The following OSBPL5 variants were observed in gnomAD, a reference collection of about 807,000 sequenced individuals.
OSBPL5 encodes the protein oxysterol-binding protein-related protein 5.
Under a neutral mutation model 111.2 loss-of-function variants are expected in OSBPL5, and 71 were observed. The observed-to-expected ratio is 0.64, with a 90% CI of 0.53 to 0.78. The LOEUF (loss-of-function observed/expected upper bound fraction) is 0.78, where lower values mean the gene tolerates loss of function less well. OSBPL5 is among the 30% of genes least tolerant of loss of function. The probability of loss-of-function intolerance (pLI) is 0.00; values close to 1 mark genes in which losing one functional copy is unlikely to be tolerated. For synonymous variants in OSBPL5, 549 were observed against 513.9 expected (o/e 1.07, Z -0.93); for missense variants, 1,210 against 1,189.3 (o/e 1.02, Z -0.26).
intron 3 of OSBPL5, among the ~76,000 whole-genome samples, chr11:3,123,959 G>C (rs1858510407): frequency 6.6e-6 from 1 of 152,252 alleles, no homozygotes. Context: ...CTTAGGCACT[G>C]AGGTTAGAAA....
intron 1 of OSBPL5, among the ~76,000 whole-genome samples, chr11:3,136,794 G>A (rs1845960007): frequency 6.6e-6 from 1 of 152,234 alleles, no homozygotes; most frequent in Admixed American, 6.5e-5. Context: ...GCTGCATGGG[G>A]GCAGAGAGGA....
intron 1 of OSBPL5, among the ~76,000 whole-genome samples, chr11:3,131,964 TCCATCCATCCACCCAC>T (rs1845824031): frequency 2.8e-4 from 3 of 10,886 alleles, no homozygotes; most frequent in Non-Finnish European, 5.5e-4. Context: ...CATCCATCCA[TCCATCCATCCACCCAC>T]CCATCCACCC....
chr11:3,102,091 C>T (rs755598293), intron 12 of OSBPL5, 92 bp downstream of exon 12: 4 of 1,367,022 alleles, frequency 2.9e-6, no homozygotes, highest in Non-Finnish European at 4.0e-6. Context: ...CGGGGTCACG[C>T]TTGCCCCTGC....
chr11:3,103,802 AGCCCTCTTCCTGCCTGCGCAGC>A (rs1857573549), intron 10 of OSBPL5, among the ~76,000 whole-genome samples: 1 of 40,710 alleles, frequency 2.5e-5, no homozygotes, highest in Admixed American at 3.0e-4. Context: ...CTGCCTCTGC[AGCCCTCTTCCTGCCTGCGCAGC>A]CCCCTTCCAG....
intron 1 of OSBPL5, among the ~76,000 whole-genome samples, chr11:3,139,200 G>C (rs996255686): frequency 6.6e-6 from 1 of 152,238 alleles, no homozygotes; most frequent in Non-Finnish European, 1.5e-5. Flanking sequence ...GTGGGCCTGA[G>C]AGCCAGGGAG....
chr11:3,122,144 C>G, intron 4 of OSBPL5, 46 bp from the exon 5 acceptor site: 1 of 1,512,152 alleles, frequency 6.6e-7, no homozygotes, highest in Non-Finnish European at 8.9e-7. Context: ...AGGCACCGAG[C>G]TGCCCCAGCT....
intron 14 of OSBPL5, among the ~76,000 whole-genome samples, chr11:3,096,991 G>A: frequency 7.7e-6 from 1 of 130,194 alleles, no homozygotes; most frequent in Non-Finnish European, 1.6e-5. Context: ...GGTGGGAGGA[G>A]GAGAAGAGGA....
At chr11:3,125,804 C>CA (rs57633062) in intron 3 of OSBPL5, among the ~76,000 whole-genome samples, 6,963 of 52,442 alleles carry the variant, frequency 0.13, 449 homozygotes, top group Admixed American at 0.16. Flanking sequence ...GACTCCGTCT[C>CA]AAAAAAAAAA....
Position 3,112,330 on chromosome 11 carries a change from C to T in OSBPL5, c.692-4385G>A, listed in dbSNP as rs563610268. 8.1e-3 allele frequency among the ~76,000 whole-genome samples: 1,229 copies of T among 152,218 alleles called. 18 individuals carry two copies. The highest frequency in any genetic ancestry group is 0.028 in the African/African-American group (1,171 of 41,538). On this transcript the variant is annotated intron_variant, in intron 7 of 21. Transcript: ENST00000263650. Reference sequence around the variant, plus strand: ...AATAGTTTATAGTAGCCTGGGGTTCCTTAAAGAAAATGGAGAGGGTGCCAG... The same window carrying T: ...AATAGTTTATAGTAGCCTGGGGTTCTTTAAAGAAAATGGAGAGGGTGCCAG...
chr11:3,103,668 CCCCCTTCCA>C (rs1857534636), intron 10 of OSBPL5, among the ~76,000 whole-genome samples: 1 of 149,806 alleles, frequency 6.7e-6, no homozygotes, highest in African/African-American at 2.5e-5. Flanking sequence ...GCCTCTGTTG[CCCCCTTCCA>C]GTCTCTGCAG....
rs770200561 is a variant in OSBPL5, at chr11:3,092,525, G to T, written c.2166C>A (p.Ala722=). The T allele has an allele frequency of 4.4e-6, 7 of 1,589,416 alleles. No homozygotes were observed. In the South Asian group the frequency reaches 8.0e-5, roughly 18 times the overall value. Residue 722 remains alanine, a synonymous_variant, in exon 19 of 22, where the codon GCC becomes GCA. Coordinates refer to ENST00000263650, the MANE Select transcript of OSBPL5 (RefSeq NM_020896.4). This position sits in a 1 kb window ranked among gnomAD's most constrained non-coding sequence, Gnocchi z 5.4. ...HSPWDPLKDI[A]QFEQDGILRT... ...GCAGGATCCCGTCTTGCTCAAACTG[G>T]GCGATGTCCTTCAGGGGGTCCCAGG...
chr11:3,112,124 T>G (rs28869549), intron 7 of OSBPL5, among the ~76,000 whole-genome samples: 1 of 148,490 alleles, frequency 6.7e-6, no homozygotes, highest in African/African-American at 2.5e-5. Context: ...TGTGTGTGTG[T>G]GCGCATATGT....
rs1858438125 is a variant in OSBPL5 at position 3,122,093 on chromosome 11, C to T, written c.306G>A (p.Gln102=). 2 of 1,568,870 alleles carry T rather than the reference C, an allele frequency of 1.3e-6. No homozygotes were observed. The highest frequency in any genetic ancestry group is 3.5e-4 in the Middle Eastern group (2 of 5,760). ...TCTTCTCCTGCCGGTAGTTCTCCTTCTGCGCCTGGGCCCGGGGCACCCGCG... is the reference window on the plus strand; with the variant it reads ...TCTTCTCCTGCCGGTAGTTCTCCTTTTGCGCCTGGGCCCGGGGCACCCGCG... ...RVTKKETLKA[Q]KENYRQEKKR... Residue 102 remains glutamine (Q), a synonymous_variant, in exon 5 of 22, where the codon CAG becomes CAA. Coordinates refer to ENST00000263650, the MANE Select transcript of OSBPL5 (RefSeq NM_020896.4).
rs1858450438 is a variant in OSBPL5 at position 3,122,356 on chromosome 11, T to A, written c.292A>T (p.Thr98Ser). ...SPTARVTKKETLKAQKENYRQ... is the reference protein window; with the variant it reads ...SPTARVTKKESLKAQKENYRQ... The stretch of plus-strand genomic sequence containing the variant: ...CCCGGGCCCGGGCTCACCTTGAGAG[T>A]CTCCTTCTTGGTGACCCTGGCGGTG... The change falls in exon 4 of 22, where the codon ACT (threonine) becomes TCT (serine). Residue 98 changes from threonine to serine, a missense_variant. By Grantham distance (58) the Thr-to-Ser change is moderately conservative. Transcript: ENST00000263650. The A allele has an allele frequency of 6.2e-7, 1 of 1,612,606 alleles. No individual in the cohort carries two copies. Among genetic ancestry groups the A allele is most frequent in the Admixed American group, 1.7e-5 (1 of 59,906 alleles).
intron 1 of OSBPL5, among the ~76,000 whole-genome samples, chr11:3,145,238 G>A (rs58113431): frequency 0.026 from 4,011 of 152,108 alleles, 204 homozygotes; most frequent in African/African-American, 0.092. Flanking sequence ...TTTCAACCCC[G>A]TCAGCCCCTT....
Position 3,087,641 on chromosome 11 carries a change from C to G in OSBPL5, c.*564G>C, listed in dbSNP as rs17178177. 0.1 allele frequency: 15,455 copies of G among 152,930 alleles called. 875 individuals carry two copies. Among genetic ancestry groups the G allele is most frequent in the Non-Finnish European group, 0.12 (8,214 of 68,614 alleles). The allele number at this position is 152,930 out of a possible 1,614,324, so 9.5% of individuals were successfully genotyped here. ...CTGTGGGGCTCCCATCCAAACAGCA[C>G]AGCGTGGAATAAAAAACCAAAATGC... On this transcript the variant is annotated 3_prime_UTR_variant, in exon 22 of 22. Transcript: ENST00000263650.
chr11:3,100,005 C>T (rs919132290), intron 14 of OSBPL5, among the ~76,000 whole-genome samples, 153 bp downstream of exon 14: 6 of 121,678 alleles, frequency 4.9e-5, no homozygotes, highest in South Asian at 2.6e-4. Context: ...GCAACAAGAG[C>T]GAAACTCCAT....
intron 1 of OSBPL5, among the ~76,000 whole-genome samples, chr11:3,131,138 T>C (rs1267775633): frequency 6.6e-6 from 1 of 152,120 alleles, no homozygotes; most frequent in African/African-American, 2.4e-5. Flanking sequence ...CAGTTCCACC[T>C]GGGCCAAGGT....
In OSBPL5 at chr11:3,105,597, A is replaced by T. The variant is rs1590655250; in HGVS notation, c.1060-1220T>A. Among the ~76,000 whole-genome samples, 1 of 151,062 alleles carries T rather than the reference A, an allele frequency of 6.6e-6. No individual in the cohort carries two copies. Among genetic ancestry groups the T allele is most frequent in the East Asian group, 2.0e-4 (1 of 5,114 alleles). ...GACTGTCTTGCCGTAGGTCCCCACCACTCCTCACTGGTCCAGCAGCCATCC... is the reference window on the plus strand; with the variant it reads ...GACTGTCTTGCCGTAGGTCCCCACCTCTCCTCACTGGTCCAGCAGCCATCC... On this transcript the variant is annotated intron_variant, in intron 9 of 21. Transcript: ENST00000263650. The surrounding 1 kb of genome is among the most constrained non-coding windows in gnomAD (Gnocchi z 5.2).
Sources: gnomAD v4.1 joint callset for allele counts (sites outside exome capture counted in the v4.1 genomes callset) on GRCh38, gnomAD v4.1.1 for gene constraint, Gnocchi (gnomAD v3.1) non-coding constraint, MANE v1.5 for transcripts, NCBI Gene and HGNC (gene_info 2026-07-23, HGNC 2026-07-21) for gene names.